Variants in RSRC1 observed in about 807,000 individuals in gnomAD.
RSRC1 encodes serine/Arginine-related protein 53.
A neutral mutation model predicts 49.1 loss-of-function variants in RSRC1; 39 were observed. That is an observed-to-expected ratio of 0.79 (90% CI 0.61 to 1.04). RSRC1 has a LOEUF of 1.04. RSRC1 is among the 50% of genes least tolerant of loss of function. RSRC1 has a pLI of 0.00. For missense variants in RSRC1, 388 were observed against 402.4 expected, an observed-to-expected ratio of 0.96 and a Z score of 0.31; for synonymous variants, 143 against 130.8, an observed-to-expected ratio of 1.09 and a Z score of -0.63.
At chr3:158,149,260 GTTCT>G (rs200964143) in intron 3 of RSRC1, among the ~76,000 whole-genome samples, 1,676 of 152,170 alleles carry the variant, frequency 0.011, 36 homozygotes, top group African/African-American at 0.038. Flanking sequence ...TTTAGCTTTA[GTTCT>G]TTCTTCTAAC....
intron 4 of RSRC1, among the ~76,000 whole-genome samples, chr3:158,249,692 T>G (rs945227140): frequency 1.3e-5 from 2 of 152,088 alleles, no homozygotes; most frequent in African/African-American, 4.8e-5. Context: ...TTTTTATTTT[T>G]TTGGGGCACG....
chr3:158,366,739 C>T (rs1244656055), intron 6 of RSRC1, among the ~76,000 whole-genome samples: 2 of 152,042 alleles, frequency 1.3e-5, no homozygotes, highest in East Asian at 3.9e-4. Flanking sequence ...TTACTTTGGG[C>T]AGTATGGCCA....
At chr3:158,410,116 A>T (rs543752219) in intron 6 of RSRC1, among the ~76,000 whole-genome samples, 49 of 152,048 alleles carry the variant, frequency 3.2e-4, no homozygotes, top group African/African-American at 9.4e-4. Context: ...ACTATTTTTT[A>T]AAAAAAGCGG....
At chr3:158,215,064 GT>G (rs1721879270) in intron 4 of RSRC1, among the ~76,000 whole-genome samples, 1 of 151,542 alleles carries the variant, frequency 6.6e-6, no homozygotes, top group Non-Finnish European at 1.5e-5. Flanking sequence ...TAGCGCTTTT[GT>G]TTGGTTTTAT....
At chr3:158,139,127 A>G (rs1346036659) in intron 3 of RSRC1, among the ~76,000 whole-genome samples, 1 of 152,126 alleles carries the variant, frequency 6.6e-6, no homozygotes, top group Non-Finnish European at 1.5e-5. Flanking sequence ...TTGGCCGGAC[A>G]CGGTAGCTCA....
chr3:158,437,067 G>A (rs1736079335), intron 6 of RSRC1, among the ~76,000 whole-genome samples: 1 of 151,496 alleles, frequency 6.6e-6, no homozygotes, highest in Non-Finnish European at 1.5e-5. Context: ...TATAGAAGAG[G>A]CCATATTGAA....
intron 5 of RSRC1, among the ~76,000 whole-genome samples, chr3:158,313,550 G>A (rs1225756340): frequency 6.6e-6 from 1 of 152,122 alleles, no homozygotes; most frequent in African/African-American, 2.4e-5. Context: ...AATCCAAAGT[G>A]TATCCACTGT....
intron 5 of RSRC1, among the ~76,000 whole-genome samples, chr3:158,347,083 A>C (rs1730595623): frequency 6.6e-6 from 1 of 152,246 alleles, no homozygotes; most frequent in Admixed American, 6.5e-5. Flanking sequence ...TTTAGGAAAA[A>C]TAGGAGTAAC....
intron 5 of RSRC1, among the ~76,000 whole-genome samples, chr3:158,327,645 C>T (rs1246416419): frequency 6.6e-6 from 1 of 152,052 alleles, no homozygotes; most frequent in Non-Finnish European, 1.5e-5. Flanking sequence ...GAGTGCTTTA[C>T]TTCCAACTAT....
intron 4 of RSRC1, among the ~76,000 whole-genome samples, chr3:158,232,028 G>C (rs1157593862): frequency 6.6e-6 from 1 of 152,004 alleles, no homozygotes; most frequent in Non-Finnish European, 1.5e-5. Flanking sequence ...AATGTCACTT[G>C]TTGTTACTTT....
At chr3:158,354,412 A>G (rs947675131) in intron 5 of RSRC1, among the ~76,000 whole-genome samples, 3 of 152,180 alleles carry the variant, frequency 2.0e-5, no homozygotes, top group Admixed American at 2.0e-4. Flanking sequence ...CTTCATCACA[A>G]TTGTTCCTTT....
intron 3 of RSRC1, among the ~76,000 whole-genome samples, chr3:158,174,614 C>T (rs1316610177): frequency 1.3e-5 from 2 of 151,964 alleles, no homozygotes; most frequent in Non-Finnish European, 1.5e-5. Context: ...CATAAATGCA[C>T]TCATTACATT....
At chr3:158,380,529 G>A (rs902107804) in intron 6 of RSRC1, among the ~76,000 whole-genome samples, 36 of 151,872 alleles carry the variant, frequency 2.4e-4, no homozygotes, top group African/African-American at 8.7e-4. Context: ...AACAGTTCCC[G>A]GTTTACAAAG....
chr3:158,378,876 C>G (rs571311866), intron 6 of RSRC1, among the ~76,000 whole-genome samples: 1 of 152,298 alleles, frequency 6.6e-6, no homozygotes, highest in South Asian at 2.1e-4. Flanking sequence ...CCTGCCCTTT[C>G]TTCCAAGTTT....
At chr3:158,154,933 A>G (rs981440809) in intron 3 of RSRC1, among the ~76,000 whole-genome samples, 3 of 151,920 alleles carry the variant, frequency 2.0e-5, no homozygotes, top group African/African-American at 7.3e-5. Flanking sequence ...ATAAGAAGCA[A>G]CTCTTCATTT....
At chr3:158,511,493 G>A (rs189348884) in intron 7 of RSRC1, among the ~76,000 whole-genome samples, 67 of 152,240 alleles carry the variant, frequency 4.4e-4, no homozygotes, top group Admixed American at 3.8e-3. Flanking sequence ...TGGTGTATAT[G>A]TGCCACATTT....
chr3:158,466,783 C>T (rs889821698), intron 7 of RSRC1, among the ~76,000 whole-genome samples: 2 of 152,116 alleles, frequency 1.3e-5, no homozygotes, highest in Non-Finnish European at 2.9e-5. Context: ...CACTTCAGGC[C>T]GGGCATGATG....
chr3:158,203,380 A>G (rs1487844341), intron 4 of RSRC1, 135 bp downstream of exon 4: 44 of 824,140 alleles, frequency 5.3e-5, no homozygotes, highest in African/African-American at 1.7e-5. Flanking sequence ...AAAAAGAGAG[A>G]ATACAGTAGA....
chr3:158,233,892 T>C (rs1723100774), intron 4 of RSRC1, among the ~76,000 whole-genome samples: 1 of 152,142 alleles, frequency 6.6e-6, no homozygotes, highest in African/African-American at 2.4e-5. Flanking sequence ...CTTTAGATGA[T>C]GATATGAATA....
Sources: gnomAD v4.1 joint callset for allele counts (sites outside exome capture counted in the v4.1 genomes callset) on GRCh38, gnomAD v4.1.1 for gene constraint, MANE v1.5 for transcripts, NCBI Gene and HGNC (gene_info 2026-07-23, HGNC 2026-07-21) for gene names.